Variants in ADAMTS17 observed in about 807,000 individuals in gnomAD.
The protein encoded by ADAMTS17 is A disintegrin and metalloproteinase with thrombospondin motifs 17.
Under a neutral mutation model 141.5 loss-of-function variants are expected in ADAMTS17, and 113 were observed. The observed-to-expected ratio is 0.80, with a 90% confidence interval of 0.69 to 0.93. The LOEUF is 0.93. Ranked by LOEUF, ADAMTS17 falls within the 40% of genes least tolerant of loss-of-function variation. ADAMTS17 has a pLI of 0.00. For missense variants in ADAMTS17, 1,659 were observed against 1,517.9 expected, an observed-to-expected ratio of 1.09 and a Z score of -1.54; for synonymous variants, 768 against 630.6, an observed-to-expected ratio of 1.22 and a Z score of -3.27.
chr15:99,998,984 G>T (rs1169979210), intron 18 of ADAMTS17, among the ~76,000 whole-genome samples: 4 of 152,218 alleles, frequency 2.6e-5, no homozygotes, highest in Non-Finnish European at 4.4e-5. Flanking sequence ...GCCATGCCGG[G>T]CCATCCCACT....
chr15:100,091,045 A>C (rs1371168854), intron 15 of ADAMTS17, among the ~76,000 whole-genome samples: 1 of 146,588 alleles, frequency 6.8e-6, no homozygotes, highest in Non-Finnish European at 1.5e-5. Context: ...CCAATGAAAA[A>C]GACAGTCCCT....
At chr15:100,105,095 A>G (rs6598301) in intron 14 of ADAMTS17, among the ~76,000 whole-genome samples, 49,765 of 152,158 alleles carry the variant, frequency 0.33, 8,300 homozygotes, top group South Asian at 0.49. Flanking sequence ...TGTTTCTCAC[A>G]GTTTTAACCT....
intron 13 of ADAMTS17, among the ~76,000 whole-genome samples, chr15:100,116,132 T>TAAAAAAAAAAAAAAAAAAAAAAA (rs34003703): frequency 2.4e-5 from 2 of 84,780 alleles, no homozygotes; most frequent in African/African-American, 9.4e-5. Flanking sequence ...CAGTTTTAGG[T>TAAAAAAAAAAAAAAAAAAAAAAA]AAAAAAAAAA....
chr15:100,254,447 C>T (rs2043257834), intron 6 of ADAMTS17, among the ~76,000 whole-genome samples: 1 of 152,142 alleles, frequency 6.6e-6, no homozygotes, highest in Admixed American at 6.5e-5. Context: ...CTTTCAGCAG[C>T]TGAAAATGTT....
chr15:99,982,192 T>C (rs948403895), intron 20 of ADAMTS17, among the ~76,000 whole-genome samples: 15 of 152,364 alleles, frequency 9.8e-5, no homozygotes, highest in African/African-American at 1.7e-4. Context: ...CCTGCTGTTA[T>C]TATTCTCAAC....
intron 15 of ADAMTS17, among the ~76,000 whole-genome samples, chr15:100,076,015 G>C (rs1197621499): frequency 3.3e-5 from 5 of 151,862 alleles, no homozygotes; most frequent in Non-Finnish European, 5.9e-5. Context: ...TTGAGGTTTT[G>C]TATCTTAGCT....
chr15:100,045,472 G>A (rs1226071004), intron 18 of ADAMTS17, among the ~76,000 whole-genome samples: 1 of 152,150 alleles, frequency 6.6e-6, no homozygotes, highest in Non-Finnish European at 1.5e-5. Context: ...TCCAGGCACT[G>A]TCTCTCTTGT....
At position 100,153,279 on chromosome 15, in the gene ADAMTS17, C is replaced by T. The variant is rs530373465; in HGVS notation, c.1323-517G>A. ...ATCCCTGAAAGCCACTGGCAACACTCGCCGAGGACTTCAGGATTTCAACTG... is the reference window on the plus strand; with the variant it reads ...ATCCCTGAAAGCCACTGGCAACACTTGCCGAGGACTTCAGGATTTCAACTG... On this transcript the variant is annotated intron_variant, in intron 9 of 21. Transcript: ENST00000268070. Among the ~76,000 whole-genome samples the T allele has an allele frequency of 1.6e-3, 241 of 152,272 alleles. 2 individuals carry two copies. The highest frequency in any genetic ancestry group is 5.3e-3 in the African/African-American group (220 of 41,554).
At position 99,981,383 on chromosome 15, in the gene ADAMTS17, C is replaced by A. The variant is rs578058754; in HGVS notation, c.2950-5161G>T. On this transcript the variant is annotated intron_variant, in intron 20 of 21. Transcript: ENST00000268070. ...GCCAGGTGTGAGGCAGTTCTGAGGG[C>A]AGGTGGTCCCAAGGGCTCTGCCCCT... Among the ~76,000 whole-genome samples the A allele has an allele frequency of 2.0e-3, 303 of 151,768 alleles. 1 individual carries two copies. Among genetic ancestry groups the A allele is most frequent in the Non-Finnish European group, 3.2e-3 (215 of 68,022 alleles).
chr15:100,119,248 G>C (rs2037325728), intron 12 of ADAMTS17, among the ~76,000 whole-genome samples: 1 of 152,112 alleles, frequency 6.6e-6, no homozygotes. Flanking sequence ...GAAGCCGCCT[G>C]GTTGGGGGTC....
chr15:100,049,202 T>C (rs1024443199), intron 17 of ADAMTS17, among the ~76,000 whole-genome samples: 2 of 152,194 alleles, frequency 1.3e-5, no homozygotes, highest in African/African-American at 4.8e-5. Flanking sequence ...AGTGGGGCCC[T>C]GGAAGATTCT....
At position 100,281,408 on chromosome 15, in the gene ADAMTS17, A is replaced by C; in HGVS notation, c.617-7T>G. ...CACGTCGGCTTCTTCTTTTCTAGAA[A>C]ATGATGGAAACATTTGTGCGGTCCT... On this transcript the variant is annotated splice_polypyrimidine_tract_variant and splice_region_variant and intron_variant, in intron 3 of 21. Transcript: ENST00000268070. 3 of 1,611,758 alleles carry C rather than the reference A, an allele frequency of 1.9e-6. No homozygotes were observed. Among genetic ancestry groups the C allele is most frequent in the Non-Finnish European group, 2.5e-6 (3 of 1,179,674 alleles).
At chr15:99,977,027 C>G (rs946097674) in intron 20 of ADAMTS17, among the ~76,000 whole-genome samples, 1 of 152,098 alleles carries the variant, frequency 6.6e-6, no homozygotes, top group Non-Finnish European at 1.5e-5. Context: ...CTGCCTGAGG[C>G]TCCGGGGCCT....
intron 3 of ADAMTS17, among the ~76,000 whole-genome samples, chr15:100,302,147 T>G (rs2045061967): frequency 6.6e-6 from 1 of 152,218 alleles, no homozygotes; most frequent in South Asian, 2.1e-4. Context: ...TTCTGGGTAT[T>G]TCACATTAAC....
chr15:100,218,172 C>A (rs1400933135), intron 7 of ADAMTS17, among the ~76,000 whole-genome samples: 1 of 152,162 alleles, frequency 6.6e-6, no homozygotes, highest in Non-Finnish European at 1.5e-5. Flanking sequence ...TGCACTCGGC[C>A]AAACAGACGA....
intron 7 of ADAMTS17, among the ~76,000 whole-genome samples, chr15:100,227,355 C>T (rs892467347): frequency 2.5e-5 from 3 of 120,692 alleles, no homozygotes; most frequent in African/African-American, 9.4e-5. Context: ...TCCTCACTAC[C>T]CCCTCCAATC....
chr15:100,261,180 C>A (rs540501632), intron 6 of ADAMTS17, among the ~76,000 whole-genome samples: 1 of 152,158 alleles, frequency 6.6e-6, no homozygotes, highest in Non-Finnish European at 1.5e-5. Context: ...GAGCCCAAAT[C>A]CCATGACTGT....
chr15:100,269,594 C>T (rs1276957554), intron 4 of ADAMTS17, among the ~76,000 whole-genome samples: 1 of 152,194 alleles, frequency 6.6e-6, no homozygotes, highest in Non-Finnish European at 1.5e-5. Context: ...ACTCTGCCCG[C>T]CCTCGCAGCC....
intron 14 of ADAMTS17, 131 bp from the exon 15 acceptor site, chr15:100,096,607 C>G: frequency 8.7e-7 from 1 of 1,147,112 alleles, no homozygotes; most frequent in East Asian, 2.4e-5. Context: ...CATTCAGAGG[C>G]CCAAGAAAAT....
Sources: gnomAD v4.1 joint callset for allele counts (sites outside exome capture counted in the v4.1 genomes callset) on GRCh38, gnomAD v4.1.1 for gene constraint, MANE v1.5 for transcripts, NCBI Gene and HGNC (gene_info 2026-07-23, HGNC 2026-07-21) for gene names.